FARS2: variants seen among roughly 807,000 people sequenced by gnomAD.
FARS2 encodes phenylalanine--tRNA ligase, mitochondrial.
A neutral mutation model predicts 46.4 loss-of-function variants in FARS2; 40 were observed. That is an observed-to-expected ratio of 0.86 (90% CI 0.67 to 1.12). The LOEUF is 1.12. Among genes scored for constraint, FARS2 ranks in the 50% most tolerant of loss-of-function variants. The pLI, the probability that FARS2 is intolerant of heterozygous loss-of-function variation, is 0.00. For synonymous variants in FARS2, 234 were observed against 214.9 expected (o/e 1.09, Z -0.78); for missense variants, 513 against 567.9 (o/e 0.90, Z 0.98).
chr6:5,487,853 A>G (rs1766871933), intron 4 of FARS2, among the ~76,000 whole-genome samples: 1 of 151,918 alleles, frequency 6.6e-6, no homozygotes, highest in South Asian at 2.1e-4. Context: ...TGCTTACGTC[A>G]CCTGGTCTCC....
rs1771370785 is a variant in FARS2 at position 5,339,097 on chromosome 6, A to G, written c.-21-29453A>G. Among the ~76,000 whole-genome samples, 3 of 152,228 alleles carry G rather than the reference A, an allele frequency of 2.0e-5. No homozygotes were observed. The South Asian group carries it at 6.2e-4, about 32-fold the overall frequency. On this transcript the variant is annotated intron_variant, in intron 1 of 6. Transcript: ENST00000274680. The stretch of plus-strand genomic sequence containing the variant: ...AAATACACCAAAAGGATCAGAAAAA[A>G]TGCAAGATGATAAAAATACAACTGT...
In FARS2 at chr6:5,436,618, T is replaced by A. The variant is rs147998925; in HGVS notation, c.904+5446T>A. Among the ~76,000 whole-genome samples, 460 of 152,316 alleles carry A rather than the reference T, an allele frequency of 3.0e-3. 1 individual carries two copies. Among genetic ancestry groups the A allele is most frequent in the Middle Eastern group, 0.01 (3 of 294 alleles). On this transcript the variant is annotated intron_variant, in intron 4 of 6. Transcript: ENST00000274680. ...TTTTGTGAGAACGAGCTTTGTGAGA[T>A]GAGAAAAGGGAACTATGTCTGTCAG...
At chr6:5,309,408 T>G (rs1241680798) in intron 1 of FARS2, among the ~76,000 whole-genome samples, 1 of 152,130 alleles carries the variant, frequency 6.6e-6, no homozygotes, top group Admixed American at 6.6e-5. Flanking sequence ...TTTTATCTTT[T>G]AGAGACATGA....
chr6:5,604,217 G>A (rs1774697731), intron 5 of FARS2, among the ~76,000 whole-genome samples: 1 of 152,194 alleles, frequency 6.6e-6, no homozygotes. Context: ...CCCTGACAGA[G>A]CCGTTCCTCT....
At chr6:5,578,472 A>T (rs1445290302) in intron 5 of FARS2, among the ~76,000 whole-genome samples, 1 of 152,060 alleles carries the variant, frequency 6.6e-6, no homozygotes, top group Non-Finnish European at 1.5e-5. Context: ...GTACCTTTTC[A>T]ATTTTTTTTA....
chr6:5,533,199 G>A (rs950721132), intron 4 of FARS2, among the ~76,000 whole-genome samples: 7 of 152,086 alleles, frequency 4.6e-5, no homozygotes, highest in Non-Finnish European at 1.0e-4. Context: ...ACCAAGGTAG[G>A]GGTCAATGAA....
rs1757594020 is a variant in FARS2, at chr6:5,351,818, T to C, written c.-21-16732T>C. On this transcript the variant is annotated intron_variant, in intron 1 of 6. Coordinates refer to ENST00000274680, the MANE Select transcript of FARS2 (RefSeq NM_006567.5). ...AATACAATCTCAATTCACACATCAC[T>C]GCACCATACTTTATTGCAGAAGCCC... 2.6e-5 allele frequency among the ~76,000 whole-genome samples: 4 copies of C among 152,232 alleles called. No individual in the cohort carries two copies. The South Asian group carries it at 8.3e-4, about 31-fold the overall frequency.
At chr6:5,571,597 T>C (rs1387002384) in intron 5 of FARS2, among the ~76,000 whole-genome samples, 1 of 152,134 alleles carries the variant, frequency 6.6e-6, no homozygotes, top group African/African-American at 2.4e-5. Flanking sequence ...ATCCCTTCTG[T>C]GTCATCTAGT....
chr6:5,621,113 GTGTT>G (rs1775751582), intron 6 of FARS2, among the ~76,000 whole-genome samples: 1 of 152,094 alleles, frequency 6.6e-6, no homozygotes, highest in African/African-American at 2.4e-5. Flanking sequence ...AGATTCTGGG[GTGTT>G]TGTTTGTTTT....
intron 2 of FARS2, among the ~76,000 whole-genome samples, chr6:5,374,769 C>T (rs960861199): frequency 1.3e-5 from 2 of 151,962 alleles, no homozygotes; most frequent in Non-Finnish European, 2.9e-5. Context: ...ATTGCATATA[C>T]ATTACATTGT....
chr6:5,561,149 AC>A (rs1396162813), intron 5 of FARS2, among the ~76,000 whole-genome samples: 1 of 152,132 alleles, frequency 6.6e-6, no homozygotes, highest in Non-Finnish European at 1.5e-5. Flanking sequence ...AAACAAACAA[AC>A]AAAAAAAGTA....
chr6:5,406,453 C>T (rs989136494), intron 3 of FARS2, among the ~76,000 whole-genome samples: 3 of 152,180 alleles, frequency 2.0e-5, no homozygotes, highest in African/African-American at 7.2e-5. Context: ...CCACATCTCA[C>T]CCCGGGCAAC....
intron 1 of FARS2, among the ~76,000 whole-genome samples, chr6:5,355,860 A>G (rs1195622083): frequency 1.3e-5 from 2 of 152,210 alleles, no homozygotes; most frequent in Non-Finnish European, 2.9e-5. Context: ...TTCTTGATAT[A>G]CACTCAACCC....
chr6:5,750,833 C>T (rs915269393), intron 6 of FARS2, among the ~76,000 whole-genome samples: 3 of 152,176 alleles, frequency 2.0e-5, no homozygotes, highest in African/African-American at 7.2e-5. Flanking sequence ...AATAGGCTCT[C>T]TTTCAACTTC....
intron 5 of FARS2, among the ~76,000 whole-genome samples, chr6:5,571,814 T>C (rs781602509): frequency 5.3e-5 from 8 of 152,004 alleles, no homozygotes; most frequent in Non-Finnish European, 1.0e-4. Context: ...CTTCCCCCCA[T>C]TTCCACCAAT....
At chr6:5,474,539 G>A (rs756437838) in intron 4 of FARS2, among the ~76,000 whole-genome samples, 5 of 152,108 alleles carry the variant, frequency 3.3e-5, no homozygotes, top group Admixed American at 6.5e-5. Flanking sequence ...ATGGTCTGTT[G>A]CTCCTAGGCT....
At chr6:5,321,652 AT>A (rs1402830184) in intron 1 of FARS2, among the ~76,000 whole-genome samples, 1 of 152,070 alleles carries the variant, frequency 6.6e-6, no homozygotes, top group Non-Finnish European at 1.5e-5. Context: ...TTTAATTCAT[AT>A]CCTAGCGTCA....
intron 4 of FARS2, among the ~76,000 whole-genome samples, chr6:5,433,505 G>A (rs1280107376): frequency 6.6e-6 from 1 of 152,190 alleles, no homozygotes; most frequent in Non-Finnish European, 1.5e-5. Flanking sequence ...AGTCATGTCT[G>A]TGTCTGCCAT....
At chr6:5,282,331 A>G (rs1194150966) in intron 1 of FARS2, among the ~76,000 whole-genome samples, 2 of 152,168 alleles carry the variant, frequency 1.3e-5, no homozygotes, top group African/African-American at 4.8e-5. Context: ...GAGGCAGCCT[A>G]TTTCAGGGGT....
Sources: allele counts gnomAD v4.1 joint callset (sites outside exome capture counted in the v4.1 genomes callset), GRCh38; gene constraint gnomAD v4.1.1; transcripts MANE v1.5; gene names NCBI Gene and HGNC (gene_info 2026-07-23, HGNC 2026-07-21).